The following PLCB4 variants were observed in gnomAD, a reference collection of about 807,000 sequenced individuals.
PLCB4 encodes the protein 1-phosphatidylinositol 4,5-bisphosphate phosphodiesterase beta-4.
In PLCB4, 77 loss-of-function variants were observed where a neutral mutation model predicts 178.8. The observed-to-expected ratio is 0.43, with a 90% confidence interval of 0.36 to 0.52. The LOEUF is 0.52. PLCB4 is among the 20% of genes least tolerant of loss of function. The probability of loss-of-function intolerance (pLI) is 0.00; values close to 1 mark genes in which losing one functional copy is unlikely to be tolerated. For synonymous variants in PLCB4, 496 were observed against 490.8 expected (o/e 1.01, Z -0.14); for missense variants, 1,024 against 1,453.4 (o/e 0.70, Z 4.80).
intron 3 of PLCB4, among the ~76,000 whole-genome samples, chr20:9,236,500 A>G (rs571113501): frequency 3.1e-4 from 47 of 152,200 alleles, no homozygotes; most frequent in Non-Finnish European, 6.2e-4. Flanking sequence ...CCTGCAGAGA[A>G]GAGCCTACTT....
intron 19 of PLCB4, among the ~76,000 whole-genome samples, chr20:9,396,326 G>A (rs1260668769): frequency 6.6e-6 from 1 of 152,200 alleles, no homozygotes; most frequent in South Asian, 2.1e-4. Context: ...TCAGGCAAAT[G>A]ATTGGTTTGT....
intron 2 of PLCB4, among the ~76,000 whole-genome samples, chr20:9,195,664 C>T (rs1372017515): frequency 6.6e-6 from 1 of 152,172 alleles, no homozygotes; most frequent in Non-Finnish European, 1.5e-5. Context: ...CATCAATCCT[C>T]CTGACCTCCT....
intron 2 of PLCB4, among the ~76,000 whole-genome samples, chr20:9,170,136 A>T (rs2093039820): frequency 6.6e-6 from 1 of 152,072 alleles, no homozygotes; most frequent in African/African-American, 2.4e-5. Context: ...TCCTTCCCCA[A>T]CCTTTACGTT....
At chr20:9,465,323 T>C (rs2043696878) in intron 35 of PLCB4, among the ~76,000 whole-genome samples, 1 of 152,178 alleles carries the variant, frequency 6.6e-6, no homozygotes, top group Non-Finnish European at 1.5e-5. Context: ...CCACAGCCAA[T>C]GTCATACTGA....
In PLCB4 at chr20:9,299,685, G is replaced by A. The variant is rs556568895; in HGVS notation, c.-15-8115G>A. Among the ~76,000 whole-genome samples the A allele has an allele frequency of 1.2e-4, 18 of 152,070 alleles. No individual in the cohort carries two copies. The South Asian group carries it at 2.9e-3, about 25-fold the overall frequency. On this transcript the variant is annotated intron_variant, in intron 3 of 39. Transcript: ENST00000378473. ...TAATGGGTACAGTATTTAAGTACTA[G>A]AGTGTGTTTAATCAATTGCTTAGTG...
chr20:9,410,963 T>C (rs1438603019), intron 24 of PLCB4, 74 bp from the exon 25 acceptor site: 1 of 1,023,722 alleles, frequency 9.8e-7, no homozygotes, highest in Non-Finnish European at 1.5e-6. Context: ...TGATACCTAT[T>C]GTTTCAAATC....
intron 7 of PLCB4, among the ~76,000 whole-genome samples, chr20:9,361,828 T>TGGGG (rs2035360620): frequency 1.3e-5 from 2 of 152,184 alleles, no homozygotes; most frequent in Non-Finnish European, 1.5e-5. Flanking sequence ...TGATGGAAAT[T>TGGGG]ATCTGCACTG....
At chr20:9,301,315 CT>C (rs1462976773) in intron 3 of PLCB4, among the ~76,000 whole-genome samples, 1 of 151,978 alleles carries the variant, frequency 6.6e-6, no homozygotes, top group East Asian at 1.9e-4. Context: ...TTAGATATGC[CT>C]GGTTTCACAT....
At position 9,295,039 on chromosome 20, in the gene PLCB4, G is replaced by A. The variant is rs1202388761; in HGVS notation, c.-15-12761G>A. Among the ~76,000 whole-genome samples the A allele has an allele frequency of 4.6e-5, 7 of 152,224 alleles. No individual in the cohort carries two copies. The East Asian group carries it at 1.4e-3, about 29-fold the overall frequency. ...CATAGTCCCCACTCTGGAACCCCAG[G>A]ACTTTTTAAAGACTAGGGTCCTCTG... On this transcript the variant is annotated intron_variant, in intron 3 of 39. Coordinates refer to ENST00000378473, the MANE Select transcript of PLCB4 (RefSeq NM_001377142.1).
chr20:9,362,682 A>G (rs2035446733), intron 7 of PLCB4, among the ~76,000 whole-genome samples: 1 of 152,252 alleles, frequency 6.6e-6, no homozygotes. Context: ...ATGGCACAAT[A>G]GATGGCACAT....
At chr20:9,310,782 T>A (rs1408314139) in intron 4 of PLCB4, among the ~76,000 whole-genome samples, 1 of 152,090 alleles carries the variant, frequency 6.6e-6, no homozygotes, top group African/African-American at 2.4e-5. Context: ...GAAAAATGTT[T>A]AATAGGCACT....
chr20:9,288,879 A>G (rs1331791369), intron 3 of PLCB4, among the ~76,000 whole-genome samples: 1 of 152,094 alleles, frequency 6.6e-6, no homozygotes, highest in East Asian at 1.9e-4. Flanking sequence ...CAGTGAGTTG[A>G]CAGTTAGGAA....
intron 21 of PLCB4, 98 bp downstream of exon 21, chr20:9,405,446 C>A: frequency 4.1e-6 from 3 of 728,748 alleles, no homozygotes; most frequent in East Asian, 3.0e-5. Flanking sequence ...ATGATTAAAT[C>A]CTGATAAAAA....
chr20:9,478,110 G>T (rs1048588243), intron 39 of PLCB4, among the ~76,000 whole-genome samples: 2 of 152,160 alleles, frequency 1.3e-5, no homozygotes, highest in African/African-American at 4.8e-5. Context: ...CTACCAGTTG[G>T]ATAATAAAAG....
In PLCB4 at chr20:9,308,085, G is replaced by A. The variant is rs111430958; in HGVS notation, c.84+187G>A. Among the ~76,000 whole-genome samples the A allele has an allele frequency of 1.2e-3, 177 of 152,076 alleles. 1 individual carries two copies. Among genetic ancestry groups the A allele is most frequent in the African/African-American group, 3.3e-3 (138 of 41,484 alleles). Reference sequence around the variant, plus strand: ...ATAATGATACTATAAATTTTTGAGCGCTCACTATGTGCCAGATGACCTTCT... The same window carrying A: ...ATAATGATACTATAAATTTTTGAGCACTCACTATGTGCCAGATGACCTTCT... On this transcript the variant is annotated intron_variant, in intron 4 of 39. Coordinates refer to ENST00000378473, the MANE Select transcript of PLCB4 (RefSeq NM_001377142.1).
At chr20:9,110,435 T>G (rs2091533864) in intron 2 of PLCB4, among the ~76,000 whole-genome samples, 1 of 152,098 alleles carries the variant, frequency 6.6e-6, no homozygotes, top group South Asian at 2.1e-4. Flanking sequence ...GTGGGGGAAA[T>G]AAAAAGACTA....
At chr20:9,419,615 A>G (rs1415437933) in intron 25 of PLCB4, among the ~76,000 whole-genome samples, 192 bp from the exon 26 acceptor site, 2 of 152,188 alleles carry the variant, frequency 1.3e-5, no homozygotes, top group Admixed American at 6.5e-5. Flanking sequence ...AGTCCTGGAT[A>G]CCACTGAGGC....
intron 2 of PLCB4, among the ~76,000 whole-genome samples, chr20:9,173,333 T>A (rs993572010): frequency 6.6e-6 from 1 of 152,208 alleles, no homozygotes; most frequent in Non-Finnish European, 1.5e-5. Context: ...CAGATTTACC[T>A]CATCTCCTGA....
chr20:9,184,166 C>T (rs1392384677), intron 2 of PLCB4, among the ~76,000 whole-genome samples: 1 of 152,172 alleles, frequency 6.6e-6, no homozygotes, highest in Admixed American at 6.5e-5. Context: ...TCAACCCCCA[C>T]CACCTTCTGC....
Sources: allele counts gnomAD v4.1 joint callset (sites outside exome capture counted in the v4.1 genomes callset), GRCh38; gene constraint gnomAD v4.1.1; transcripts MANE v1.5; gene names NCBI Gene and HGNC (gene_info 2026-07-23, HGNC 2026-07-21).